The following DNAH10 variants were observed in gnomAD, a reference collection of about 807,000 sequenced individuals.
DNAH10 encodes the protein axonemal beta dynein heavy chain 10.
DNAH10 carries 348 observed loss-of-function variants against 506.6 expected under a neutral mutation model. That is an observed-to-expected ratio of 0.69 (90% confidence interval 0.63 to 0.75). DNAH10 has a LOEUF of 0.75. DNAH10 is among the 30% of genes least tolerant of loss of function. The pLI, the probability that DNAH10 is intolerant of heterozygous loss-of-function variation, is 0.00. For missense variants in DNAH10, 5,179 were observed against 5,787.1 expected, an observed-to-expected ratio of 0.89 and a Z score of 3.41; for synonymous variants, 2,059 against 2,198.6, an observed-to-expected ratio of 0.94 and a Z score of 1.78.
At chr12:123,832,899 G>A (rs1029518206) in intron 26 of DNAH10, among the ~76,000 whole-genome samples, 2 of 152,142 alleles carry the variant, frequency 1.3e-5, no homozygotes, top group Non-Finnish European at 2.9e-5. Context: ...TTTGAGGACT[G>A]AATGAGATCG....
chr12:123,886,645 CAG>C (rs1044893061), intron 51 of DNAH10, among the ~76,000 whole-genome samples: 17 of 151,180 alleles, frequency 1.1e-4, no homozygotes, highest in African/African-American at 3.4e-4. Flanking sequence ...AGGTAGGGAA[CAG>C]AGAGAGATCT....
chr12:123,788,988 G>A (rs1225011054), intron 10 of DNAH10, among the ~76,000 whole-genome samples: 1 of 151,344 alleles, frequency 6.6e-6, no homozygotes, highest in Non-Finnish European at 1.5e-5. Flanking sequence ...GGTGGCTCAC[G>A]CCTGTAATCC....
intron 6 of DNAH10, among the ~76,000 whole-genome samples, chr12:123,781,814 A>C (rs1381008690): frequency 6.6e-6 from 1 of 152,176 alleles, no homozygotes; most frequent in Non-Finnish European, 1.5e-5. Flanking sequence ...TCTAGTAGTC[A>C]ACATCCAGTG....
chr12:123,762,643 C>T lies in DNAH10; in HGVS notation c.214+93C>T, dbSNP rs1178287981. On this transcript the variant is annotated intron_variant, in intron 1 of 78. Transcript: ENST00000673944. The surrounding 1 kb of genome is among the most constrained non-coding windows in gnomAD (Gnocchi z 5.0). Reference sequence around the variant, plus strand: ...GCCGGGGCTGCTAGAGCCTGCCCATCGTCCGGCCCCGGCCTCAGGTGCTGT... The same window carrying T: ...GCCGGGGCTGCTAGAGCCTGCCCATTGTCCGGCCCCGGCCTCAGGTGCTGT... 7.5e-7 allele frequency: 1 copy of T among 1,333,142 alleles called. No homozygotes were observed. The highest frequency in any genetic ancestry group is 2.4e-5 in the Admixed American group (1 of 41,158). 82.6% of individuals were successfully genotyped at this position (1,333,142 alleles called of 1,614,324 possible). A position where few individuals can be genotyped will look rare whatever the true frequency, so the allele number is the denominator to read the frequency against.
At chr12:123,805,260 A>G (rs1357794227) in intron 18 of DNAH10, among the ~76,000 whole-genome samples, 2 of 152,260 alleles carry the variant, frequency 1.3e-5, no homozygotes, top group South Asian at 2.1e-4. Context: ...CCCCACTTCA[A>G]CTGTCTGAAA....
In DNAH10 at chr12:123,762,468, C is replaced by G; in HGVS notation, c.132C>G (p.Leu44=). ...GCGAGGACCTCATCTTGCACTTCCT[C>G]AACCAGGCGAGCGAGGAGGAGGGGC... ...GQGEDLILHF[L]NQASEEEGPS... Residue 44 remains leucine, a synonymous_variant, in exon 1 of 79, where the codon CTC becomes CTG. Coordinates refer to ENST00000673944, the MANE Select transcript of DNAH10 (RefSeq NM_001372106.1). The surrounding 1 kb of genome is among the most constrained non-coding windows in gnomAD (Gnocchi z 5.0). The G allele has an allele frequency of 6.7e-7, 1 of 1,501,862 alleles. No individual in the cohort carries two copies. The highest frequency in any genetic ancestry group is 1.3e-5 in the South Asian group (1 of 78,024). The allele number at this position is 1,501,862 out of a possible 1,614,324, so 93.0% of individuals were successfully genotyped here. A position where few individuals can be genotyped will look rare whatever the true frequency, so the allele number is the denominator to read the frequency against.
chr12:123,891,485 CAT>C (rs1367353596), intron 52 of DNAH10, among the ~76,000 whole-genome samples: 2 of 152,136 alleles, frequency 1.3e-5, no homozygotes, highest in African/African-American at 4.8e-5. Context: ...GAGTCACTGA[CAT>C]GTGGTGGGAC....
intron 39 of DNAH10, 39 bp from the exon 40 acceptor site, chr12:123,864,556 C>T (rs1951730385): frequency 6.2e-7 from 1 of 1,608,922 alleles, no homozygotes; most frequent in Non-Finnish European, 8.5e-7. Flanking sequence ...ATTGGAAGCT[C>T]TCTAGGACCC....
chr12:123,828,024 T>G (rs1424819584), intron 25 of DNAH10, among the ~76,000 whole-genome samples: 1 of 152,168 alleles, frequency 6.6e-6, no homozygotes, highest in African/African-American at 2.4e-5. Context: ...TCTCATCATT[T>G]TTGTCAGATC....
intron 72 of DNAH10, 85 bp from the exon 73 acceptor site, chr12:123,930,317 C>G: frequency 2.2e-6 from 3 of 1,343,116 alleles, no homozygotes; most frequent in Non-Finnish European, 2.9e-6. Flanking sequence ...TCTCTTGACC[C>G]TGGGTGAGCC....
At chr12:123,763,025 C>T (rs1956887287) in intron 1 of DNAH10, among the ~76,000 whole-genome samples, 1 of 152,204 alleles carries the variant, frequency 6.6e-6, no homozygotes, top group South Asian at 2.1e-4. Flanking sequence ...TGTCACTCTC[C>T]TTGACGGTCG....
rs887928254 is a variant in DNAH10, at chr12:123,870,550, C to T, written c.7639+65C>T. The T allele has an allele frequency of 1.3e-5, 20 of 1,554,558 alleles. No individual in the cohort carries two copies. The African/African-American group carries it at 1.8e-4, about 14-fold the overall frequency. ...GTGTGATACTCGCTCTAGGAGGAGG[C>T]AAAGAAGATCCCATGGCTTCTCTGG... On this transcript the variant is annotated intron_variant, in intron 44 of 78. Coordinates refer to ENST00000673944, the MANE Select transcript of DNAH10 (RefSeq NM_001372106.1).
At position 123,800,385 on chromosome 12, in the gene DNAH10, T is replaced by G. The variant is rs766347182; in HGVS notation, c.2459T>G (p.Leu820Arg). The G allele has an allele frequency of 6.2e-7, 1 of 1,611,016 alleles. No homozygotes were observed. Among genetic ancestry groups the G allele is most frequent in the South Asian group, 1.1e-5 (1 of 90,590 alleles). The change falls in exon 15 of 79, where the codon CTT (leucine) becomes CGT (arginine). Residue 820 changes from leucine to arginine, a missense_variant. Physicochemically the swap from Leu to Arg is moderately radical, Grantham distance 102 (BLOSUM62 -2). Around this residue, in one of 3 missense-constraint regions of DNAH10, gnomAD observed 4,844 missense variants for 5,430.5 expected, o/e 0.89. Transcript: ENST00000673944. The part of the protein sequence containing the change: ...RNVALQEDKF[L>R]RYTAGIQRML... ...GTTGCTCTCCAGGAAGACAAATTCC[T>G]TAGGTAAAAAAATTCTTCTTTTAAA...
chr12:123,887,996 G>A (rs1053533399), intron 52 of DNAH10, among the ~76,000 whole-genome samples: 17 of 152,198 alleles, frequency 1.1e-4, no homozygotes, highest in African/African-American at 3.6e-4. Flanking sequence ...CACCCGCATC[G>A]GCCTCCCAAA....
At chr12:123,861,806 C>G (rs972966168) in intron 39 of DNAH10, among the ~76,000 whole-genome samples, 3 of 152,202 alleles carry the variant, frequency 2.0e-5, no homozygotes, top group Non-Finnish European at 2.9e-5. Flanking sequence ...AAATAAAATC[C>G]TTAAATAACA....
chr12:123,891,850 AGT>A (rs1952997107), intron 52 of DNAH10, among the ~76,000 whole-genome samples: 1 of 152,172 alleles, frequency 6.6e-6, no homozygotes, highest in African/African-American at 2.4e-5. Flanking sequence ...AGAGGGAAAA[AGT>A]GCATGGGGGA....
chr12:123,808,570 AC>A, intron 18 of DNAH10, among the ~76,000 whole-genome samples: 1 of 152,238 alleles, frequency 6.6e-6, no homozygotes, highest in Middle Eastern at 3.4e-3. Flanking sequence ...CTATTTTCCA[AC>A]CAAAAGGTCT....
intron 26 of DNAH10, among the ~76,000 whole-genome samples, chr12:123,831,482 A>G (rs1281720716): frequency 2.0e-5 from 3 of 152,226 alleles, no homozygotes; most frequent in Admixed American, 6.5e-5. Context: ...ACTACTGCAC[A>G]CCTAGGCTAT....
chr12:123,836,681 C>T (rs763891705), intron 28 of DNAH10, among the ~76,000 whole-genome samples: 6 of 152,150 alleles, frequency 3.9e-5, no homozygotes, highest in Non-Finnish European at 7.3e-5. Flanking sequence ...ATAACTGTTT[C>T]ATATAATTGT....
Sources: gnomAD v4.1 joint callset for allele counts (sites outside exome capture counted in the v4.1 genomes callset) on GRCh38, gnomAD v4.1.1 for gene constraint, gnomAD v4.1.1 regional missense constraint, Gnocchi (gnomAD v3.1) non-coding constraint, MANE v1.5 for transcripts, NCBI Gene and HGNC (gene_info 2026-07-23, HGNC 2026-07-21) for gene names.